The following ATXN7L1 variants were observed in gnomAD, a reference collection of about 807,000 sequenced individuals.
ATXN7L1 encodes ataxin-7-like protein 1.
ATXN7L1 carries 15 observed loss-of-function variants against 70.8 expected under a neutral mutation model. The observed-to-expected ratio is 0.21, with a 90% CI of 0.14 to 0.33. ATXN7L1 has a LOEUF of 0.33. Ranked by LOEUF, ATXN7L1 falls within the 10% of genes least tolerant of loss-of-function variation. The pLI is 1.00. For missense variants in ATXN7L1, 975 were observed against 1,097.1 expected (o/e 0.89, Z 1.57); for synonymous variants, 440 against 445.1 (o/e 0.99, Z 0.14).
intron 2 of ATXN7L1, among the ~76,000 whole-genome samples, chr7:105,867,628 G>A (rs1315225983): frequency 1.3e-5 from 2 of 152,242 alleles, no homozygotes; most frequent in African/African-American, 2.4e-5. Context: ...GTAGCTCAGC[G>A]CCAGGGGATA....
intron 2 of ATXN7L1, among the ~76,000 whole-genome samples, chr7:105,835,377 A>G (rs1180015654): frequency 1.4e-5 from 2 of 147,816 alleles, no homozygotes; most frequent in African/African-American, 5.0e-5. Flanking sequence ...CTGGTCTTGA[A>G]CTCCTGGGCT....
chr7:105,609,135 G>A (rs1792935444), intron 11 of ATXN7L1, among the ~76,000 whole-genome samples: 1 of 152,016 alleles, frequency 6.6e-6, no homozygotes, highest in South Asian at 2.1e-4. Context: ...TTTTGAGAGA[G>A]TGCTGATGGA....
Position 105,690,248 on chromosome 7 carries a change from G to A in ATXN7L1, c.356-24960C>T, listed in dbSNP as rs868366503. The stretch of plus-strand genomic sequence containing the variant: ...TCGAACTCCCGACCTCAGGTGATCC[G>A]CCCGCCTCAGCCTCCCAAAGTGCTG... On this transcript the variant is annotated intron_variant, in intron 3 of 11. Coordinates refer to ENST00000419735, the MANE Select transcript of ATXN7L1 (RefSeq NM_020725.2). Among the ~76,000 whole-genome samples the A allele has an allele frequency of 1.9e-4, 29 of 151,892 alleles. No individual in the cohort carries two copies. The South Asian group carries it at 5.2e-3, about 27-fold the overall frequency.
At chr7:105,841,385 T>C (rs1813188765) in intron 2 of ATXN7L1, among the ~76,000 whole-genome samples, 1 of 152,246 alleles carries the variant, frequency 6.6e-6, no homozygotes, top group African/African-American at 2.4e-5. Flanking sequence ...GGTTTCACTT[T>C]CCAGTTTTAG....
At chr7:105,635,306 A>G (rs1797192899) in intron 7 of ATXN7L1, among the ~76,000 whole-genome samples, 2 of 152,208 alleles carry the variant, frequency 1.3e-5, no homozygotes, top group South Asian at 4.1e-4. Flanking sequence ...TTAGAGTTGG[A>G]GGCGAATAAA....
intron 3 of ATXN7L1, among the ~76,000 whole-genome samples, chr7:105,765,818 T>C (rs1331197649): frequency 2.0e-5 from 3 of 152,178 alleles, no homozygotes; most frequent in African/African-American, 7.2e-5. Flanking sequence ...CAGATCCTGC[T>C]TGGAGACGAT....
intron 3 of ATXN7L1, among the ~76,000 whole-genome samples, chr7:105,680,674 C>G (rs1424080216): frequency 6.6e-6 from 1 of 152,186 alleles, no homozygotes; most frequent in African/African-American, 2.4e-5. Context: ...GCTAGCAGGT[C>G]AAGGGCCCCT....
intron 3 of ATXN7L1, among the ~76,000 whole-genome samples, chr7:105,740,731 T>C (rs1329455818): frequency 6.6e-6 from 1 of 151,400 alleles, no homozygotes; most frequent in Non-Finnish European, 1.5e-5. Flanking sequence ...GGAAGTTACA[T>C]ACACACAGCA....
At chr7:105,819,901 G>A (rs112889531) in intron 2 of ATXN7L1, 11 of 546,294 alleles carry the variant, frequency 2.0e-5, no homozygotes, top group African/African-American at 1.3e-4. Flanking sequence ...CTTTGCCTAC[G>A]TGGGGCGCCT....
intron 2 of ATXN7L1, among the ~76,000 whole-genome samples, chr7:105,859,183 C>A (rs2116649922): frequency 1.3e-5 from 2 of 152,192 alleles, no homozygotes; most frequent in South Asian, 4.1e-4. Context: ...TTAGGAGATG[C>A]ATGCTGAAGT....
rs181365389 is a variant in ATXN7L1 at position 105,635,365 on chromosome 7, G to A, written c.1202+2988C>T. ...CAGGCCCCTCGGGCTGGGGGCAGAA[G>A]CACGGAGGGCAGGCATATGGAAACC... is the stretch of plus-strand genomic sequence containing the variant. On this transcript the variant is annotated intron_variant, in intron 7 of 11. Coordinates refer to ENST00000419735, the MANE Select transcript of ATXN7L1 (RefSeq NM_020725.2). Among the ~76,000 whole-genome samples, 10 of 152,370 alleles carry A rather than the reference G, an allele frequency of 6.6e-5. 1 individual carries two copies. Among genetic ancestry groups the A allele is most frequent in the African/African-American group, 2.4e-4 (10 of 41,586 alleles).
intron 2 of ATXN7L1, among the ~76,000 whole-genome samples, chr7:105,859,783 T>TTTC (rs1491096526): frequency 2.7e-3 from 3 of 1,092 alleles, no homozygotes; most frequent in African/African-American, 0.014. Flanking sequence ...TCTTTCTTTC[T>TTTC]TTTTTTTTTT....
At chr7:105,794,003 C>CCCAT (rs1200820683) in intron 2 of ATXN7L1, among the ~76,000 whole-genome samples, 1 of 142,654 alleles carries the variant, frequency 7.0e-6, no homozygotes, top group Non-Finnish European at 1.5e-5. Flanking sequence ...TATCCATCCA[C>CCCAT]CCATCCATCC....
chr7:105,668,429 G>A (rs1209017860), intron 3 of ATXN7L1, among the ~76,000 whole-genome samples: 1 of 152,048 alleles, frequency 6.6e-6, no homozygotes, highest in Admixed American at 6.5e-5. Context: ...ACAGAGTCTT[G>A]CTCTGTGGTC....
intron 2 of ATXN7L1, among the ~76,000 whole-genome samples, chr7:105,796,441 G>A (rs1057360703): frequency 6.6e-6 from 1 of 152,154 alleles, no homozygotes; most frequent in Non-Finnish European, 1.5e-5. Context: ...TAGGACCTAC[G>A]GATGTGACAA....
At chr7:105,653,602 C>T (rs774950813) in intron 4 of ATXN7L1, among the ~76,000 whole-genome samples, 12 of 152,340 alleles carry the variant, frequency 7.9e-5, no homozygotes, top group Admixed American at 4.6e-4. Context: ...GCCTCAGCAT[C>T]GCTTGCAACC....
chr7:105,859,444 C>T (rs998212096), intron 2 of ATXN7L1, among the ~76,000 whole-genome samples: 1 of 152,072 alleles, frequency 6.6e-6, no homozygotes, highest in Non-Finnish European at 1.5e-5. Context: ...CGCATAATGA[C>T]ACTTTGGTCA....
chr7:105,868,090 C>T (rs1422131934), intron 2 of ATXN7L1, among the ~76,000 whole-genome samples: 1 of 152,192 alleles, frequency 6.6e-6, no homozygotes, highest in Admixed American at 6.5e-5. Flanking sequence ...GGGCCTTTAT[C>T]CCTGTCGTTT....
chr7:105,751,908 G>A (rs527523797), intron 3 of ATXN7L1, among the ~76,000 whole-genome samples: 271 of 152,286 alleles, frequency 1.8e-3, no homozygotes, highest in Non-Finnish European at 2.4e-3. Context: ...GCCTCCTTCG[G>A]TAGATAGCAA....
Sources: gnomAD v4.1 joint callset for allele counts (sites outside exome capture counted in the v4.1 genomes callset) on GRCh38, gnomAD v4.1.1 for gene constraint, MANE v1.5 for transcripts, NCBI Gene and HGNC (gene_info 2026-07-23, HGNC 2026-07-21) for gene names.